Variants in KIF1A observed in about 807,000 individuals in gnomAD.
The protein encoded by KIF1A is kinesin-like protein KIF1A.
A neutral mutation model predicts 227.3 loss-of-function variants in KIF1A; 46 were observed. The observed-to-expected ratio is 0.20, with a 90% CI of 0.16 to 0.26. The LOEUF is 0.26. Ranked by LOEUF, KIF1A falls within the 10% of genes least tolerant of loss-of-function variation. KIF1A has a pLI of 1.00. For missense variants in KIF1A, 1,683 were observed against 2,485.9 expected, an observed-to-expected ratio of 0.68 and a Z score of 6.87; for synonymous variants, 1,022 against 1,012.8, an observed-to-expected ratio of 1.01 and a Z score of -0.17.
At position 240,740,668 on chromosome 2, in the gene KIF1A, C is replaced by T. The variant is rs898540467; in HGVS notation, c.3750-304G>A. Among the ~76,000 whole-genome samples the T allele has an allele frequency of 6.6e-6, 1 of 152,100 alleles. No individual in the cohort carries two copies. Among genetic ancestry groups the T allele is most frequent in the Non-Finnish European group, 1.5e-5 (1 of 68,002 alleles). On this transcript the variant is annotated intron_variant, in intron 35 of 48. Coordinates refer to ENST00000498729, the MANE Select transcript of KIF1A (RefSeq NM_001244008.2). This position sits in a 1 kb window ranked among gnomAD's most constrained non-coding sequence, Gnocchi z 6.1. Reference sequence around the variant, plus strand: ...AAGTTCCCAAGGGTCCTCTGCTTCCCCTCATGCCCTGCAGATCCGCAACCC... The same window carrying T: ...AAGTTCCCAAGGGTCCTCTGCTTCCTCTCATGCCCTGCAGATCCGCAACCC...
In KIF1A at chr2:240,786,730, G is replaced by C. The variant is rs1201023986; in HGVS notation, c.430-217C>G. ...TCAGGACCCCTGAGTGAGGGGGTGG[G>C]GGCTGCCTGCTGGGCCCCTGAGTGA... On this transcript the variant is annotated intron_variant, in intron 5 of 48. Transcript: ENST00000498729. 3.3e-3 allele frequency among the ~76,000 whole-genome samples: 483 copies of C among 144,232 alleles called. 12 individuals are homozygous for C. The highest frequency in any genetic ancestry group is 0.013 in the African/African-American group (460 of 34,822). 94.6% of individuals were successfully genotyped at this position (144,232 alleles called of 152,430 possible). A position where few individuals can be genotyped will look rare whatever the true frequency, so the allele number is the denominator to read the frequency against.
chr2:240,731,417 C>T (rs547007265), intron 38 of KIF1A, among the ~76,000 whole-genome samples: 4 of 152,332 alleles, frequency 2.6e-5, no homozygotes, highest in Non-Finnish European at 4.4e-5. Context: ...CCACCAGCAG[C>T]GCTGGGCTGC....
rs994813016 is a variant in KIF1A at position 240,790,893 on chromosome 2, C to T, written c.107-1581G>A. Among the ~76,000 whole-genome samples the T allele has an allele frequency of 1.3e-5, 2 of 152,250 alleles. No homozygotes were observed. Among genetic ancestry groups the T allele is most frequent in the Admixed American group, 1.3e-4 (2 of 15,294 alleles). On this transcript the variant is annotated intron_variant, in intron 2 of 48. Transcript: ENST00000498729. This position sits in a 1 kb window ranked among gnomAD's most constrained non-coding sequence, Gnocchi z 5.0. ...CTCAGACTTCTGGCCTCCAGAATCACGAGACAGCACACTTCTGTTTGCGGT... is the reference window on the plus strand; with the variant it reads ...CTCAGACTTCTGGCCTCCAGAATCATGAGACAGCACACTTCTGTTTGCGGT...
At chr2:240,777,333 C>T (rs1175109207) in intron 10 of KIF1A, among the ~76,000 whole-genome samples, 4 of 152,182 alleles carry the variant, frequency 2.6e-5, no homozygotes, top group Admixed American at 6.5e-5. Context: ...CGTGAGCCAC[C>T]GCGCCCGGCC....
rs374282628 is a variant in KIF1A at position 240,783,032 on chromosome 2, C to T, written c.864+12G>A. The T allele has an allele frequency of 1.5e-5, 24 of 1,609,836 alleles. No homozygotes were observed. In the South Asian group the frequency reaches 2.0e-4, roughly 13 times the overall value. On this transcript the variant is annotated intron_variant, in intron 9 of 48. Transcript: ENST00000498729. ...GGGGTTCTGGCTATGGAAGCCGGGC[C>T]GGGCCACTCACCATTTCAGCCAGGG...
At position 240,778,064 on chromosome 2, in the gene KIF1A, C is replaced by A. The variant is rs563258341; in HGVS notation, c.883-2138G>T. On this transcript the variant is annotated intron_variant, in intron 10 of 48. Coordinates refer to ENST00000498729, the MANE Select transcript of KIF1A (RefSeq NM_001244008.2). This position sits in a 1 kb window ranked among gnomAD's most constrained non-coding sequence, Gnocchi z 7.2. ...CACCACACAGTTCCTCAGCTCCTCC[C>A]GCTCCCCACGCACTTCCTCGCGTTT... Among the ~76,000 whole-genome samples, 1 of 152,114 alleles carries A rather than the reference C, an allele frequency of 6.6e-6. No homozygotes were observed. The highest frequency in any genetic ancestry group is 1.5e-5 in the Non-Finnish European group (1 of 68,016).
At position 240,783,725 on chromosome 2, in the gene KIF1A, G is replaced by A. The variant is rs997446471; in HGVS notation, c.798+14C>T. On this transcript the variant is annotated intron_variant, in intron 8 of 48. Coordinates refer to ENST00000498729, the MANE Select transcript of KIF1A (RefSeq NM_001244008.2). ...ATGTGGACACGGGTCCCCGCATGGC[G>A]GCCTGGCCCCTACCTTGAGGCGCGT... 1.7e-5 allele frequency: 26 copies of A among 1,557,694 alleles called. No individual in the cohort carries two copies. Among genetic ancestry groups the A allele is most frequent in the South Asian group, 5.9e-5 (5 of 84,514 alleles).
chr2:240,773,223 A>G lies in KIF1A; in HGVS notation c.1071T>C (p.Asn357=). Residue 357 remains asparagine, a synonymous_variant, in exon 13 of 49, where the codon AAT becomes AAC. Coordinates refer to ENST00000498729, the MANE Select transcript of KIF1A (RefSeq NM_001244008.2). ...YADRAKQIRC[N]AVINEDPNNK... is the part of the protein sequence containing the mutation. ...TGTTGGGGTCCTCATTGATGACAGC[A>G]TTGCAGCGGATCTGCTTGGCCCGGT... 6.2e-7 allele frequency: 1 copy of G among 1,613,898 alleles called. No homozygotes were observed. Among genetic ancestry groups the G allele is most frequent in the Non-Finnish European group, 8.5e-7 (1 of 1,179,832 alleles).
At chr2:240,809,992 T>G (rs1234474539) in intron 1 of KIF1A, among the ~76,000 whole-genome samples, 1 of 152,194 alleles carries the variant, frequency 6.6e-6, no homozygotes, top group Non-Finnish European at 1.5e-5. Flanking sequence ...TTTTGTATTT[T>G]CAGTAGAGAT....
At chr2:240,745,373 G>A in intron 32 of KIF1A, 54 bp downstream of exon 32, 2 of 1,328,294 alleles carry the variant, frequency 1.5e-6, no homozygotes, top group Admixed American at 1.7e-5. Flanking sequence ...GCTCAGAGAG[G>A]CCCTGGGAGG....
chr2:240,765,872 G>T, intron 19 of KIF1A, 79 bp from the exon 20 acceptor site: 1 of 989,236 alleles, frequency 1.0e-6, no homozygotes, highest in Non-Finnish European at 1.6e-6. Flanking sequence ...CCTGGCCCCC[G>T]GGCATGGCCT....
chr2:240,735,505 C>T (rs1471654613), intron 38 of KIF1A, among the ~76,000 whole-genome samples: 1 of 152,164 alleles, frequency 6.6e-6, no homozygotes, highest in African/African-American at 2.4e-5. Context: ...CCCTGCCCAC[C>T]CCACCCCAGG....
intron 38 of KIF1A, among the ~76,000 whole-genome samples, chr2:240,732,575 T>G (rs1473642532): frequency 5.0e-3 from 88 of 17,636 alleles, no homozygotes; most frequent in African/African-American, 6.9e-3. Flanking sequence ...GAGGGGGGTA[T>G]GAGGGGATGA....
intron 28 of KIF1A, among the ~76,000 whole-genome samples, chr2:240,748,950 G>A (rs530741689): frequency 2.0e-5 from 3 of 152,064 alleles, no homozygotes; most frequent in South Asian, 2.1e-4. Flanking sequence ...GTGAAACCCC[G>A]TCTCTACTAA....
At chr2:240,813,397 C>G (rs2058099237) in intron 1 of KIF1A, among the ~76,000 whole-genome samples, 1 of 152,186 alleles carries the variant, frequency 6.6e-6, no homozygotes, top group African/African-American at 2.4e-5. Context: ...GGGGCAGGGG[C>G]TCAGGCATGG....
chr2:240,783,534 CCT>C (rs2054342912), intron 8 of KIF1A, among the ~76,000 whole-genome samples: 1 of 152,206 alleles, frequency 6.6e-6, no homozygotes, highest in African/African-American at 2.4e-5. Context: ...CCGCCAAACC[CCT>C]GACCTGTGTG....
Position 240,746,323 on chromosome 2 carries a change from G to A in KIF1A, c.3064-146C>T, listed in dbSNP as rs2048593652. On this transcript the variant is annotated intron_variant, in intron 29 of 48. Transcript: ENST00000498729. ...GAACCCACGCACCAGACCTGTGCCT[G>A]CCTTGTAGGGGGGCATCCACCTCCC... is the stretch of plus-strand genomic sequence containing the variant. 4.7e-5 allele frequency: 43 copies of A among 909,214 alleles called. No homozygotes were observed. The South Asian group carries it at 6.7e-4, about 14-fold the overall frequency. 56.3% of individuals were successfully genotyped at this position (909,214 alleles called of 1,614,324 possible). A position where few individuals can be genotyped will look rare whatever the true frequency, so the allele number is the denominator to read the frequency against.
At chr2:240,720,013 C>CT in intron 45 of KIF1A, 87 bp from the exon 46 acceptor site, 3 of 1,417,998 alleles carry the variant, frequency 2.1e-6, no homozygotes, top group Non-Finnish European at 1.9e-6. Context: ...CTCAGAGCAC[C>CT]TCAGAAGGTG....
intron 32 of KIF1A, 75 bp downstream of exon 32, chr2:240,745,352 G>A (rs1301412811): frequency 8.7e-7 from 1 of 1,152,132 alleles, no homozygotes; most frequent in Non-Finnish European, 1.3e-6. Flanking sequence ...AGAAGAGGGA[G>A]AATGAGCCAT....
Sources: allele counts gnomAD v4.1 joint callset (sites outside exome capture counted in the v4.1 genomes callset), GRCh38; gene constraint gnomAD v4.1.1; non-coding constraint Gnocchi (gnomAD v3.1); transcripts MANE v1.5; gene names NCBI Gene and HGNC (gene_info 2026-07-23, HGNC 2026-07-21).